The following HTR1E variants were observed in gnomAD, a reference collection of about 807,000 sequenced individuals.
HTR1E encodes the protein 5-hydroxytryptamine receptor 1E, also known as 5-HT-1E.
A neutral mutation model predicts 3.4 loss-of-function variants in HTR1E; 3 were observed. The ratio of observed to expected loss-of-function variants is 0.89; its 90% CI spans 0.41 to 2.31. The LOEUF is 2.31. HTR1E is among the 30% of genes most tolerant of loss of function. The probability of loss-of-function intolerance (pLI) is 0.05; values close to 1 mark genes in which losing one functional copy is unlikely to be tolerated. For synonymous variants in HTR1E, 170 were observed against 182.8 expected, an observed-to-expected ratio of 0.93 and a Z score of 0.56; for missense variants, 392 against 467.0, an observed-to-expected ratio of 0.84 and a Z score of 1.48.
intron 1 of HTR1E, among the ~76,000 whole-genome samples, chr6:87,008,619 G>A (rs1245783630): frequency 6.6e-6 from 1 of 152,168 alleles, no homozygotes; most frequent in Non-Finnish European, 1.5e-5. Flanking sequence ...TGTGGGGAAA[G>A]GTGAGTGTTG....
intron 1 of HTR1E, among the ~76,000 whole-genome samples, chr6:86,957,198 A>G (rs1022378181): frequency 6.6e-6 from 1 of 152,224 alleles, no homozygotes; most frequent in Non-Finnish European, 1.5e-5. Flanking sequence ...GCTCCAGCCC[A>G]GGGGCATTTT....
Position 87,016,121 on chromosome 6 carries a change from A to G in HTR1E, c.787A>G (p.Ile263Val). The G allele has an allele frequency of 1.2e-6, 2 of 1,614,192 alleles. No individual in the cohort carries two copies. Among genetic ancestry groups the G allele is most frequent in the African/African-American group, 1.3e-5 (1 of 75,060 alleles). ...AGAGTTTGAAAAGTTCCATGCCTCCATCAGGATCCCCCCCTTCGACAATGA... is the reference window on the plus strand; with the variant it reads ...AGAGTTTGAAAAGTTCCATGCCTCCGTCAGGATCCCCCCCTTCGACAATGA... The part of the protein sequence containing the change: ...TTEFEKFHAS[I>V]RIPPFDNDLD... The change falls in exon 2 of 2, where the codon ATC (isoleucine) becomes GTC (valine). Residue 263 changes from isoleucine (I) to valine (V), a missense_variant. Physicochemically the swap from Ile to Val is conservative, Grantham distance 29 (BLOSUM62 3). Transcript: ENST00000305344.
At chr6:86,978,298 G>A (rs1045721289) in intron 1 of HTR1E, among the ~76,000 whole-genome samples, 3 of 152,176 alleles carry the variant, frequency 2.0e-5, no homozygotes, top group African/African-American at 7.2e-5. Flanking sequence ...AAACCAGTCA[G>A]CACATGACAC....
chr6:86,953,415 G>A (rs1398916297), intron 1 of HTR1E, among the ~76,000 whole-genome samples: 1 of 152,140 alleles, frequency 6.6e-6, no homozygotes, highest in African/African-American at 2.4e-5. Context: ...CTCTGCATGA[G>A]CTGGCAGGTC....
chr6:86,982,843 A>C (rs555655538), intron 1 of HTR1E, among the ~76,000 whole-genome samples: 96 of 152,308 alleles, frequency 6.3e-4, no homozygotes, highest in African/African-American at 2.1e-3. Flanking sequence ...AGCCCATATA[A>C]TTTAATTACA....
chr6:86,952,062 T>C (rs1767252689), intron 1 of HTR1E, among the ~76,000 whole-genome samples: 1 of 152,190 alleles, frequency 6.6e-6, no homozygotes, highest in Non-Finnish European at 1.5e-5. Flanking sequence ...ATGAAGGGAA[T>C]TTGTTAGAAG....
intron 1 of HTR1E, among the ~76,000 whole-genome samples, chr6:87,013,837 T>C (rs1449842361): frequency 6.6e-6 from 1 of 152,108 alleles, no homozygotes; most frequent in African/African-American, 2.4e-5. Flanking sequence ...GCGAAGGATA[T>C]GAACAGCCAC....
intron 1 of HTR1E, among the ~76,000 whole-genome samples, chr6:87,007,208 A>G (rs1768125038): frequency 6.6e-6 from 1 of 152,238 alleles, no homozygotes; most frequent in African/African-American, 2.4e-5. Context: ...ATGTTAAGTG[A>G]AATAAGCCAG....
At chr6:86,940,139 C>A (rs1236943919) in intron 1 of HTR1E, among the ~76,000 whole-genome samples, 1 of 152,028 alleles carries the variant, frequency 6.6e-6, no homozygotes, top group Non-Finnish European at 1.5e-5. Context: ...TAAGGTATAT[C>A]ATTCACAGCA....
chr6:86,957,443 A>T (rs889868000), intron 1 of HTR1E, among the ~76,000 whole-genome samples: 1 of 152,220 alleles, frequency 6.6e-6, no homozygotes, highest in Non-Finnish European at 1.5e-5. Context: ...GTTTCTTACC[A>T]TATATTCTAG....
At chr6:86,995,436 T>G (rs1239977263) in intron 1 of HTR1E, among the ~76,000 whole-genome samples, 1 of 145,460 alleles carries the variant, frequency 6.9e-6, no homozygotes, top group African/African-American at 2.5e-5. Context: ...GAGGTCGAGG[T>G]GGGCGGATCA....
intron 1 of HTR1E, among the ~76,000 whole-genome samples, chr6:86,957,820 T>G (rs910281988): frequency 6.6e-6 from 1 of 152,106 alleles, no homozygotes; most frequent in Non-Finnish European, 1.5e-5. Flanking sequence ...CATATCGAGA[T>G]CTCATGTGCA....
chr6:86,943,609 T>C (rs1768573545), intron 1 of HTR1E, among the ~76,000 whole-genome samples: 1 of 152,218 alleles, frequency 6.6e-6, no homozygotes, highest in African/African-American at 2.4e-5. Flanking sequence ...CCTTGTGTTA[T>C]ACTACTAGGG....
intron 1 of HTR1E, among the ~76,000 whole-genome samples, chr6:86,950,568 AATG>A (rs1481389213): frequency 6.6e-6 from 1 of 152,254 alleles, no homozygotes; most frequent in African/African-American, 2.4e-5. Context: ...AATATCATGT[AATG>A]ATAATACAAA....
At chr6:86,993,753 T>C (rs186679954) in intron 1 of HTR1E, among the ~76,000 whole-genome samples, 1 of 151,842 alleles carries the variant, frequency 6.6e-6, no homozygotes, top group East Asian at 1.9e-4. Context: ...ATACCCAAAA[T>C]GTCCAGGTTG....
chr6:86,950,162 G>T (rs1036204844), intron 1 of HTR1E, among the ~76,000 whole-genome samples: 1 of 152,086 alleles, frequency 6.6e-6, no homozygotes, highest in Non-Finnish European at 1.5e-5. Context: ...TAAGAGTCAG[G>T]TTATTTCCCT....
chr6:87,009,516 CG>C (rs1325795230), intron 1 of HTR1E, among the ~76,000 whole-genome samples: 407 of 150,534 alleles, frequency 2.7e-3, no homozygotes, highest in Middle Eastern at 6.8e-3. Context: ...CCACCTTTCC[CG>C]CCTTTCTATT....
intron 1 of HTR1E, among the ~76,000 whole-genome samples, chr6:87,010,326 C>T (rs1321483240): frequency 8.2e-6 from 1 of 121,314 alleles, no homozygotes; most frequent in Non-Finnish European, 1.7e-5. Context: ...TGACCCCCCC[C>T]ACCTCCCTCC....
At chr6:86,958,989 AAG>A (rs919479037) in intron 1 of HTR1E, among the ~76,000 whole-genome samples, 2 of 110,696 alleles carry the variant, frequency 1.8e-5, no homozygotes, top group Non-Finnish European at 4.0e-5. Flanking sequence ...TGTGTACAGA[AAG>A]AGAGAGATTG....
Sources: gnomAD v4.1 joint callset for allele counts (sites outside exome capture counted in the v4.1 genomes callset) on GRCh38, gnomAD v4.1.1 for gene constraint, MANE v1.5 for transcripts, NCBI Gene and HGNC (gene_info 2026-07-23, HGNC 2026-07-21) for gene names.